KCTD19: variants seen among roughly 807,000 people sequenced by gnomAD.
The protein encoded by KCTD19 is BTB/POZ domain-containing protein KCTD19.
KCTD19 carries 67 observed loss-of-function variants against 103.5 expected under a neutral mutation model. The observed-to-expected ratio is 0.65, with a 90% CI of 0.53 to 0.79. The LOEUF is 0.79. Ranked by LOEUF, KCTD19 falls within the 30% of genes least tolerant of loss-of-function variation. The pLI is 0.00. For missense variants in KCTD19, 980 were observed against 1,136.1 expected (o/e 0.86, Z 1.98); for synonymous variants, 439 against 452.2 (o/e 0.97, Z 0.37).
In KCTD19 at chr16:67,326,399, C is replaced by A. The variant is rs556458400; in HGVS notation, c.3+306G>T. Among the ~76,000 whole-genome samples the A allele has an allele frequency of 2.6e-5, 4 of 152,198 alleles. No homozygotes were observed. In the South Asian group the frequency reaches 8.3e-4, roughly 32 times the overall value. On this transcript the variant is annotated intron_variant, in intron 1 of 15. Coordinates refer to ENST00000304372, the MANE Select transcript of KCTD19 (RefSeq NM_001100915.3). ...GATCTCCCCTTCACACACACCCTCG[C>A]CTTGCCCCAAAGTCAGCATCCCCCA...
Position 67,289,513 on chromosome 16 carries a change from T to A in KCTD19, c.*56A>T. The A allele has an allele frequency of 9.7e-7, 1 of 1,033,792 alleles. No individual in the cohort carries two copies. The highest frequency in any genetic ancestry group is 1.5e-6 in the Non-Finnish European group (1 of 654,444). The allele number at this position is 1,033,792 out of a possible 1,614,324, so 64.0% of individuals were successfully genotyped here. ...ATGGGCACATGCATTCTGGGCTATC[T>A]CCAATTAAAATGAGACTTGGCGGGT... On this transcript the variant is annotated 3_prime_UTR_variant, in exon 16 of 16. Transcript: ENST00000304372.
At chr16:67,308,222 G>A (rs2036914406) in intron 2 of KCTD19, among the ~76,000 whole-genome samples, 1 of 140,690 alleles carries the variant, frequency 7.1e-6, no homozygotes, top group Non-Finnish European at 1.5e-5. Flanking sequence ...GAGTGCAGTC[G>A]TACAATCATC....
chr16:67,295,461 C>T, intron 8 of KCTD19, 56 bp from the exon 9 acceptor site: 1 of 1,537,928 alleles, frequency 6.5e-7, no homozygotes, highest in Non-Finnish European at 8.9e-7. Context: ...TGCGAAGGGG[C>T]AGGTCAATCT....
Position 67,293,904 on chromosome 16 carries a change from G to A in KCTD19, c.1858C>T (p.Gln620Ter), listed in dbSNP as rs2036731891. The A allele has an allele frequency of 6.2e-7, 1 of 1,613,982 alleles. No homozygotes were observed. Among genetic ancestry groups the A allele is most frequent in the Non-Finnish European group, 8.5e-7 (1 of 1,180,038 alleles). ...KKKCTTINLT[Q>*]KSETKDPPAT... ...GGAGGGTCTTTGGTTTCAGATTTCT[G>A]TGTGAGGTTGATTGTGGTGCATTTC... Residue 620 changes from glutamine to a stop codon, truncating the protein, a stop_gained, in exon 12 of 16, where the codon CAG (glutamine) becomes TAG (stop). Coordinates refer to ENST00000304372, the MANE Select transcript of KCTD19 (RefSeq NM_001100915.3). LOFTEE classifies it high-confidence loss of function. The surrounding 1 kb of genome is among the most constrained non-coding windows in gnomAD (Gnocchi z 4.0).
At chr16:67,321,401 A>G (rs2037071307) in intron 1 of KCTD19, among the ~76,000 whole-genome samples, 1 of 152,218 alleles carries the variant, frequency 6.6e-6, no homozygotes, top group African/African-American at 2.4e-5. Flanking sequence ...ACTTCAAAAC[A>G]TTGTTGAAAA....
At chr16:67,289,727 T>TC (rs1368544627) in intron 15 of KCTD19, 45 bp from the exon 16 acceptor site, 2 of 1,421,046 alleles carry the variant, frequency 1.4e-6, no homozygotes, top group African/African-American at 2.8e-5. Context: ...TGGCCAGTTG[T>TC]CTACTCTAGC....
rs76268208 is a variant in KCTD19, at chr16:67,292,704, A to G, written c.2218+840T>C. 6.3e-3 allele frequency among the ~76,000 whole-genome samples: 958 copies of G among 152,212 alleles called. 8 individuals carry two copies. The highest frequency in any genetic ancestry group is 0.022 in the African/African-American group (895 of 41,500). On this transcript the variant is annotated intron_variant, in intron 12 of 15. Transcript: ENST00000304372. The stretch of plus-strand genomic sequence containing the variant: ...ATCCTGGCACAGCGATTTTCAGCAC[A>G]GTTCCCTGGCCACCTTCCCTTAGCT...
chr16:67,325,207 C>CTTTTTTTTTTTTTTTTT (rs10695930), intron 1 of KCTD19, among the ~76,000 whole-genome samples: 16 of 113,170 alleles, frequency 1.4e-4, no homozygotes, highest in African/African-American at 2.3e-4. Flanking sequence ...TTCTTTTTTT[C>CTTTTTTTTTTTTTTTTT]TTTTTTTTTT....
chr16:67,296,047 A>G, intron 8 of KCTD19, 112 bp downstream of exon 8: 1 of 726,552 alleles, frequency 1.4e-6, no homozygotes, highest in Non-Finnish European at 2.5e-6. Flanking sequence ...CTGGCGGGAA[A>G]GCCTTTGTTC....
Position 67,320,559 on chromosome 16 carries a change from C to T in KCTD19, c.300+30G>A. 1.2e-6 allele frequency: 2 copies of T among 1,603,780 alleles called. No individual in the cohort carries two copies. The highest frequency in any genetic ancestry group is 1.7e-6 in the Non-Finnish European group (2 of 1,173,344). On this transcript the variant is annotated intron_variant, in intron 2 of 15. Coordinates refer to ENST00000304372, the MANE Select transcript of KCTD19 (RefSeq NM_001100915.3). The surrounding 1 kb of genome is among the most constrained non-coding windows in gnomAD (Gnocchi z 4.0). ...GTGATGTAAAGCCATGTTACTGATC[C>T]ACCACTCCCAGAAAACAAGAGCATC...
chr16:67,299,797 G>C (rs546051462), intron 5 of KCTD19: 3 of 546,028 alleles, frequency 5.5e-6, no homozygotes, highest in Admixed American at 3.5e-5. Context: ...AGTTGGGAGT[G>C]GGGGGATTCA....
intron 1 of KCTD19, among the ~76,000 whole-genome samples, chr16:67,325,207 CTTTTTTT>C (rs10695930): frequency 1.8e-5 from 2 of 113,174 alleles, no homozygotes; most frequent in African/African-American, 7.8e-5. Flanking sequence ...TTCTTTTTTT[CTTTTTTT>C]TTTTTTTTGA....
rs540569628 is a variant in KCTD19, at chr16:67,300,096, TG to T, written c.776-524del. 6.3e-6 allele frequency: 1 copy of T among 159,426 alleles called. No homozygotes were observed. The highest frequency in any genetic ancestry group is 1.4e-5 in the Non-Finnish European group (1 of 73,444). 9.9% of individuals were successfully genotyped at this position (159,426 alleles called of 1,614,324 possible). A position where few individuals can be genotyped will look rare whatever the true frequency, so the allele number is the denominator to read the frequency against. On this transcript the variant is annotated intron_variant, in intron 5 of 15. Transcript: ENST00000304372. This position sits in a 1 kb window ranked among gnomAD's most constrained non-coding sequence, Gnocchi z 4.5. ...TGGATGGGACCTTTTTCTCCTATAG[TG>T]GGCCTAGGGTACAGTCCAGAGAATA...
Position 67,309,945 on chromosome 16 carries a change from A to G in KCTD19, c.301-5374T>C, listed in dbSNP as rs2142515094. ...TTTCCCCAAGAAAGGTATGCCCAAG[A>G]AATCTTAAAAAAGAGAAAAACTAAA... On this transcript the variant is annotated intron_variant, in intron 2 of 15. Transcript: ENST00000304372. 2.0e-5 allele frequency among the ~76,000 whole-genome samples: 3 copies of G among 152,302 alleles called. 1 individual carries two copies. The highest frequency in any genetic ancestry group is 2.0e-4 in the Admixed American group (3 of 15,294).
Position 67,304,129 on chromosome 16 carries a change from GA to G in KCTD19, c.451+291del, listed in dbSNP as rs1436007958. Among the ~76,000 whole-genome samples, 6 of 152,328 alleles carry G rather than the reference GA, an allele frequency of 3.9e-5. No homozygotes were observed. The East Asian group carries it at 1.2e-3, about 29-fold the overall frequency. On this transcript the variant is annotated intron_variant, in intron 3 of 15. Coordinates refer to ENST00000304372, the MANE Select transcript of KCTD19 (RefSeq NM_001100915.3). Reference sequence around the variant, plus strand: ...GACATTCTGTGTGTGGTGGTTGGAGGAAACTCAAAAGAATGGTGGCATTCCC... The same window carrying G: ...GACATTCTGTGTGTGGTGGTTGGAGGAACTCAAAAGAATGGTGGCATTCCC...
chr16:67,316,187 A>G (rs1294831226), intron 2 of KCTD19, among the ~76,000 whole-genome samples: 2 of 151,924 alleles, frequency 1.3e-5, no homozygotes, highest in Non-Finnish European at 2.9e-5. Flanking sequence ...GACCACAGGC[A>G]TGCACCATCA....
intron 2 of KCTD19, chr16:67,305,571 C>T (rs530450071): frequency 9.4e-5 from 43 of 455,128 alleles, no homozygotes; most frequent in African/African-American, 3.6e-4. Flanking sequence ...GGGCGGTCTT[C>T]GTGCCGCCCT....
chr16:67,304,480 C>T lies in KCTD19; in HGVS notation c.392G>A (p.Arg131His), dbSNP rs747458440. Residue 131 changes from arginine to histidine, a missense_variant, in exon 3 of 16, where the codon CGT becomes CAT. Physicochemically the swap from Arg to His is conservative, Grantham distance 29. Transcript: ENST00000304372. ...VAERASLNYW[R>H]TWKCISKPSE... The stretch of plus-strand genomic sequence containing the variant: ...GGGTTTGCTAATACACTTCCATGTA[C>T]GCCAGTAGTTCAGAGATGCTCTCTC... 5.6e-6 allele frequency: 9 copies of T among 1,614,000 alleles called. No homozygotes were observed. The highest frequency in any genetic ancestry group is 1.1e-5 in the South Asian group (1 of 91,078).
intron 3 of KCTD19, 119 bp downstream of exon 3, chr16:67,304,302 A>T (rs1054648731): frequency 3.1e-5 from 31 of 993,930 alleles, no homozygotes; most frequent in Non-Finnish European, 4.8e-5. Flanking sequence ...AAAGGAGATG[A>T]CAGAGACTGC....
Sources: allele counts gnomAD v4.1 joint callset (sites outside exome capture counted in the v4.1 genomes callset), GRCh38; gene constraint gnomAD v4.1.1; non-coding constraint Gnocchi (gnomAD v3.1); transcripts MANE v1.5; gene names NCBI Gene and HGNC (gene_info 2026-07-23, HGNC 2026-07-21).